TBC1D22A: variants seen among roughly 807,000 people sequenced by gnomAD.
TBC1D22A encodes the protein putative GTPase activator.
Under a neutral mutation model 60.2 loss-of-function variants are expected in TBC1D22A, and 38 were observed. The observed-to-expected ratio is 0.63, with a 90% CI of 0.49 to 0.83. The LOEUF (loss-of-function observed/expected upper bound fraction) is 0.83, where lower values mean the gene tolerates loss of function less well. Ranked by LOEUF, TBC1D22A falls within the 40% of genes least tolerant of loss-of-function variation. The probability of loss-of-function intolerance (pLI) is 0.00; values close to 1 mark genes in which losing one functional copy is unlikely to be tolerated. For synonymous variants in TBC1D22A, 302 were observed against 281.7 expected, an observed-to-expected ratio of 1.07 and a Z score of -0.72; for missense variants, 628 against 701.0, an observed-to-expected ratio of 0.90 and a Z score of 1.18.
intron 8 of TBC1D22A, among the ~76,000 whole-genome samples, chr22:46,927,333 CAG>C (rs745747543): frequency 3.3e-5 from 5 of 152,176 alleles, no homozygotes; most frequent in Non-Finnish European, 5.9e-5. Context: ...ACTGTATTAA[CAG>C]AATAAAGGAC....
intron 1 of TBC1D22A, among the ~76,000 whole-genome samples, chr22:46,780,976 A>C (rs1477960343): frequency 2.0e-5 from 3 of 152,132 alleles, no homozygotes; most frequent in Admixed American, 1.3e-4. Context: ...TTGTAAAGAC[A>C]GCTCTGGGCA....
intron 4 of TBC1D22A, among the ~76,000 whole-genome samples, chr22:46,824,911 G>T (rs1376576246): frequency 3.9e-5 from 6 of 152,022 alleles, no homozygotes; most frequent in Non-Finnish European, 7.3e-5. Flanking sequence ...ATCAGTCAGG[G>T]TGTCAAGTGG....
chr22:47,034,741 C>T (rs1227074362), intron 10 of TBC1D22A, among the ~76,000 whole-genome samples: 1 of 152,204 alleles, frequency 6.6e-6, no homozygotes, highest in Non-Finnish European at 1.5e-5. Context: ...GGAGCTCGAA[C>T]AGGCCCAGTG....
At chr22:46,794,597 G>T (rs2084570092) in intron 3 of TBC1D22A, among the ~76,000 whole-genome samples, 1 of 147,210 alleles carries the variant, frequency 6.8e-6, no homozygotes, top group South Asian at 2.2e-4. Flanking sequence ...AGGTACATCT[G>T]TGCCCTGCGG....
At chr22:46,968,133 C>A (rs773901507) in intron 8 of TBC1D22A, among the ~76,000 whole-genome samples, 16 of 152,192 alleles carry the variant, frequency 1.1e-4, no homozygotes, top group South Asian at 2.1e-4. Flanking sequence ...GGCATGGCTG[C>A]GGGGTTGTTG....
intron 11 of TBC1D22A, among the ~76,000 whole-genome samples, chr22:47,071,399 G>T (rs912194564): frequency 2.0e-5 from 3 of 152,208 alleles, no homozygotes; most frequent in Non-Finnish European, 4.4e-5. Context: ...CCCGTCCTCA[G>T]TTGCTTTTTG....
chr22:47,046,818 C>T (rs1204060758), intron 11 of TBC1D22A, among the ~76,000 whole-genome samples: 1 of 152,152 alleles, frequency 6.6e-6, no homozygotes, highest in Non-Finnish European at 1.5e-5. Context: ...AGCCCTGGAT[C>T]CCCCCAGATG....
chr22:47,170,733 A>G (rs373821927), intron 12 of TBC1D22A, among the ~76,000 whole-genome samples: 13 of 144,908 alleles, frequency 9.0e-5, no homozygotes, highest in African/African-American at 3.2e-4. Flanking sequence ...CGGAGAGAGG[A>G]CAGTCCTGGT....
chr22:47,060,238 C>CTTTTTT (rs3884803), intron 11 of TBC1D22A, among the ~76,000 whole-genome samples: 48 of 111,650 alleles, frequency 4.3e-4, no homozygotes, highest in African/African-American at 1.6e-3. Context: ...GGGTTTCTGA[C>CTTTTTT]TTTTTTTTTT....
rs577130781 is a variant in TBC1D22A at position 46,788,137 on chromosome 22, T to C, written c.63-4383T>C. On this transcript the variant is annotated intron_variant, in intron 1 of 12. Transcript: ENST00000337137. ...ATTTTTAGTAGAGACGGGGTTTCAC[T>C]GTGTTAGCCAGGACGGTCTCGATCT... 4.0e-3 allele frequency among the ~76,000 whole-genome samples: 611 copies of C among 152,006 alleles called. 4 individuals are homozygous for C. Among genetic ancestry groups the C allele is most frequent in the Non-Finnish European group, 4.2e-3 (287 of 67,962 alleles).
At chr22:47,065,601 CTGT>C (rs1569411598) in intron 11 of TBC1D22A, among the ~76,000 whole-genome samples, 8 of 44,630 alleles carry the variant, frequency 1.8e-4, no homozygotes, top group Admixed American at 6.1e-4. Flanking sequence ...TGTGTTTTTG[CTGT>C]GGGTCTCCAC....
intron 4 of TBC1D22A, among the ~76,000 whole-genome samples, chr22:46,826,801 G>A (rs2086087759): frequency 6.8e-6 from 1 of 146,752 alleles, no homozygotes; most frequent in African/African-American, 2.8e-5. Flanking sequence ...CCACGCAGCA[G>A]AGTCAGGATT....
intron 11 of TBC1D22A, among the ~76,000 whole-genome samples, chr22:47,109,052 C>G (rs1327756976): frequency 1.3e-5 from 2 of 152,204 alleles, no homozygotes; most frequent in Non-Finnish European, 2.9e-5. Flanking sequence ...GTTTAAGATA[C>G]ATTACCGAAC....
intron 11 of TBC1D22A, among the ~76,000 whole-genome samples, chr22:47,106,153 A>T (rs902229226): frequency 3.3e-5 from 5 of 152,218 alleles, no homozygotes; most frequent in African/African-American, 1.2e-4. Flanking sequence ...GAGATGGAAG[A>T]TATAAAAAGA....
intron 9 of TBC1D22A, among the ~76,000 whole-genome samples, chr22:46,981,113 T>C (rs1246222598): frequency 6.6e-6 from 1 of 152,184 alleles, no homozygotes; most frequent in Non-Finnish European, 1.5e-5. Flanking sequence ...TTAAATGAGA[T>C]AGATTTTTAA....
chr22:47,161,614 C>A (rs2067987639), intron 12 of TBC1D22A, among the ~76,000 whole-genome samples: 1 of 152,238 alleles, frequency 6.6e-6, no homozygotes, highest in Admixed American at 6.5e-5. Context: ...TAACAGCTGG[C>A]AGCATTTGCT....
intron 11 of TBC1D22A, among the ~76,000 whole-genome samples, chr22:47,097,736 C>A (rs947615403): frequency 9.9e-5 from 15 of 152,138 alleles, no homozygotes; most frequent in Non-Finnish European, 1.5e-5. Flanking sequence ...GTTAGGTTTT[C>A]TTTTATGTCT....
intron 8 of TBC1D22A, among the ~76,000 whole-genome samples, chr22:46,929,730 G>A (rs539360084): frequency 2.0e-5 from 3 of 152,074 alleles, no homozygotes; most frequent in East Asian, 3.9e-4. Context: ...GTGCGTGTGT[G>A]CATGCATGTA....
intron 7 of TBC1D22A, among the ~76,000 whole-genome samples, chr22:46,897,090 C>T (rs1300991564): frequency 6.6e-6 from 1 of 152,022 alleles, no homozygotes; most frequent in African/African-American, 2.4e-5. Context: ...CATGTGTTAC[C>T]GGTGGAGGGT....
Sources: allele counts gnomAD v4.1 joint callset (sites outside exome capture counted in the v4.1 genomes callset), GRCh38; gene constraint gnomAD v4.1.1; transcripts MANE v1.5; gene names NCBI Gene and HGNC (gene_info 2026-07-23, HGNC 2026-07-21).